Variants in MATCAP2 observed in about 807,000 individuals in gnomAD.
The protein encoded by MATCAP2 is microtubule associated tyrosine carboxypeptidase 2, also known as putative tyrosine carboxypeptidase MATCAP2.
chr7:36,345,248 G>T, the MATCAP2 span, among the ~76,000 whole-genome samples: 1 of 152,124 alleles, frequency 6.6e-6, no homozygotes, highest in East Asian at 1.9e-4. Flanking sequence ...TTACTAAATT[G>T]TTATTATCTC....
the MATCAP2 span, among the ~76,000 whole-genome samples, chr7:36,342,567 G>A: frequency 6.6e-6 from 1 of 152,142 alleles, no homozygotes; most frequent in African/African-American, 2.4e-5. Flanking sequence ...GACTCCTTAT[G>A]CCTGTCTTCA....
At chr7:36,337,351 G>A in the MATCAP2 span, among the ~76,000 whole-genome samples, 254 of 152,016 alleles carry the variant, frequency 1.7e-3, 3 homozygotes, top group Admixed American at 6.2e-3. Context: ...AAAAATAACT[G>A]GTAAGGAATC....
At chr7:36,361,291 C>T in the MATCAP2 span, among the ~76,000 whole-genome samples, 3 of 152,140 alleles carry the variant, frequency 2.0e-5, no homozygotes, top group African/African-American at 7.2e-5. Context: ...AAAAGGGAGA[C>T]ACTGCTCTCT....
the MATCAP2 span, among the ~76,000 whole-genome samples, chr7:36,327,778 A>G: frequency 6.6e-6 from 1 of 152,242 alleles, no homozygotes; most frequent in African/African-American, 2.4e-5. Flanking sequence ...CGGATGCTCA[A>G]CTAGTAAAGA....
the MATCAP2 span, chr7:36,366,759 T>C: frequency 7.2e-6 from 11 of 1,534,766 alleles, no homozygotes; most frequent in African/African-American, 9.6e-5. Flanking sequence ...TCCACAGGTT[T>C]TTCGCGAGCG....
At chr7:36,361,231 A>C in the MATCAP2 span, among the ~76,000 whole-genome samples, 1 of 152,174 alleles carries the variant, frequency 6.6e-6, no homozygotes, top group Non-Finnish European at 1.5e-5. Flanking sequence ...ATATTAGCCT[A>C]ATCATTAAAC....
chr7:36,357,385 G>A, the MATCAP2 span: 1 of 1,614,128 alleles, frequency 6.2e-7, no homozygotes, highest in Non-Finnish European at 8.5e-7. Context: ...TGGAGTAGGT[G>A]GAGGAAGACT....
At chr7:36,328,241 G>GGGGA in the MATCAP2 span, among the ~76,000 whole-genome samples, 1 of 23,460 alleles carries the variant, frequency 4.3e-5, no homozygotes, top group Non-Finnish European at 1.2e-4. Flanking sequence ...TGTTTTTGTA[G>GGGGA]GGGGGGGGGG....
At chr7:36,326,763 T>A in the MATCAP2 span, 1 of 1,612,636 alleles carries the variant, frequency 6.2e-7, no homozygotes, top group Non-Finnish European at 8.5e-7. Context: ...CTAATTACTA[T>A]ATAAGATCTT....
the MATCAP2 span, among the ~76,000 whole-genome samples, chr7:36,385,739 T>C: frequency 1.3e-5 from 2 of 151,042 alleles, no homozygotes; most frequent in Admixed American, 6.6e-5. Flanking sequence ...TGAGCTGTGA[T>C]CGTGCCACTG....
the MATCAP2 span, among the ~76,000 whole-genome samples, chr7:36,341,489 C>A: frequency 2.0e-5 from 3 of 152,150 alleles, no homozygotes; most frequent in Non-Finnish European, 4.4e-5. Context: ...ATGCCCCACC[C>A]ACATTCTTAT....
At chr7:36,331,033 G>A in the MATCAP2 span, 1 of 1,613,616 alleles carries the variant, frequency 6.2e-7, no homozygotes. Context: ...TGTATCGGAG[G>A]ATTTGAAGAA....
the MATCAP2 span, among the ~76,000 whole-genome samples, chr7:36,365,733 A>G: frequency 1.3e-5 from 2 of 152,234 alleles, no homozygotes; most frequent in African/African-American, 2.4e-5. Flanking sequence ...AATGGTGCGG[A>G]GGTTGAGAAA....
the MATCAP2 span, chr7:36,367,181 G>A: frequency 7.5e-6 from 9 of 1,194,918 alleles, no homozygotes; most frequent in South Asian, 8.6e-5. Context: ...GCCTTACGGT[G>A]CCCAGCAGCG....
At chr7:36,387,182 G>C in the MATCAP2 span, among the ~76,000 whole-genome samples, 1 of 152,046 alleles carries the variant, frequency 6.6e-6, no homozygotes, top group South Asian at 2.1e-4. Context: ...TAAAACACTA[G>C]ATATTGTTAT....
the MATCAP2 span, among the ~76,000 whole-genome samples, chr7:36,353,353 G>A: frequency 6.6e-6 from 1 of 152,158 alleles, no homozygotes; most frequent in East Asian, 1.9e-4. Flanking sequence ...GTAATCTTCT[G>A]AGAGTAAGCT....
chr7:36,337,353 T>G, the MATCAP2 span, among the ~76,000 whole-genome samples: 1 of 151,870 alleles, frequency 6.6e-6, no homozygotes, highest in Non-Finnish European at 1.5e-5. Context: ...AAATAACTGG[T>G]AAGGAATCAC....
chr7:36,364,187 A>C, the MATCAP2 span, among the ~76,000 whole-genome samples: 2 of 151,912 alleles, frequency 1.3e-5, no homozygotes, highest in African/African-American at 4.8e-5. Flanking sequence ...CTGGGCGCTC[A>C]AGTGATACTC....
the MATCAP2 span, among the ~76,000 whole-genome samples, chr7:36,330,256 T>G: frequency 5.9e-5 from 9 of 151,914 alleles, no homozygotes; most frequent in Admixed American, 3.9e-4. Flanking sequence ...GGCTACTTTT[T>G]AAAATTTTTT....
Sources: gnomAD v4.1 joint callset for allele counts (sites outside exome capture counted in the v4.1 genomes callset) on GRCh38, gnomAD v4.1.1 for gene constraint, MANE v1.5 for transcripts, NCBI Gene and HGNC (gene_info 2026-07-23, HGNC 2026-07-21) for gene names.